CDKAL1: variants seen among roughly 807,000 people sequenced by gnomAD.
CDKAL1 encodes the protein threonylcarbamoyladenosine tRNA methylthiotransferase.
Under a neutral mutation model 68.2 loss-of-function variants are expected in CDKAL1, and 32 were observed. The observed-to-expected ratio is 0.47, with a 90% CI of 0.35 to 0.63. The LOEUF is 0.63. Among genes scored for constraint, CDKAL1 ranks in the 30% least tolerant of loss-of-function variants. The pLI, the probability that CDKAL1 is intolerant of heterozygous loss-of-function variation, is 0.00. For missense variants in CDKAL1, 606 were observed against 696.7 expected (o/e 0.87, Z 1.47); for synonymous variants, 234 against 244.3 (o/e 0.96, Z 0.39).
chr6:20,613,279 T>C (rs1581822511), intron 4 of CDKAL1, among the ~76,000 whole-genome samples: 1 of 43,856 alleles, frequency 2.3e-5, no homozygotes, highest in East Asian at 1.1e-3. Flanking sequence ...TTTTTTTTTT[T>C]TTTTTTTTTT....
intron 13 of CDKAL1, among the ~76,000 whole-genome samples, chr6:21,162,832 G>A (rs1776981934): frequency 1.3e-5 from 2 of 152,156 alleles, no homozygotes; most frequent in Non-Finnish European, 2.9e-5. Flanking sequence ...GGAGGCTGAG[G>A]TGGGAGGATC....
Position 21,108,328 on chromosome 6 carries a change from T to C in CDKAL1, c.1237-73T>C, listed in dbSNP as rs1230835633. ...ATGTATGTAGAGATATATACACACA[T>C]GTATATTTTTTATCTGCTGTCAACT... On this transcript the variant is annotated intron_variant, in intron 12 of 15. Coordinates refer to ENST00000274695, the MANE Select transcript of CDKAL1 (RefSeq NM_017774.3). The C allele has an allele frequency of 1.7e-5, 15 of 890,232 alleles. No homozygotes were observed. In the East Asian group the frequency reaches 3.5e-4, roughly 21 times the overall value. 55.1% of individuals were successfully genotyped at this position (890,232 alleles called of 1,614,324 possible). A position where few individuals can be genotyped will look rare whatever the true frequency, so the allele number is the denominator to read the frequency against.
chr6:20,724,494 ATGGC>A (rs1226633683), intron 5 of CDKAL1, among the ~76,000 whole-genome samples: 2 of 152,032 alleles, frequency 1.3e-5, no homozygotes, highest in Non-Finnish European at 2.9e-5. Context: ...AGGAGGACAG[ATGGC>A]TTGAGTTTAG....
chr6:20,940,381 G>A (rs1763911684), intron 9 of CDKAL1, among the ~76,000 whole-genome samples: 1 of 151,894 alleles, frequency 6.6e-6, no homozygotes, highest in Admixed American at 6.6e-5. Context: ...CTTCATTGTA[G>A]GCAGTTCTAT....
At chr6:20,789,092 A>G (rs1303091160) in intron 8 of CDKAL1, among the ~76,000 whole-genome samples, 1 of 152,248 alleles carries the variant, frequency 6.6e-6, no homozygotes, top group African/African-American at 2.4e-5. Context: ...AGTTTGGACT[A>G]TGAATGAAGT....
intron 8 of CDKAL1, among the ~76,000 whole-genome samples, 193 bp from the exon 9 acceptor site, chr6:20,845,882 A>T (rs1356681524): frequency 2.0e-5 from 3 of 152,220 alleles, no homozygotes; most frequent in East Asian, 3.8e-4. Context: ...AACTTAAAAG[A>T]ATTGCAAATT....
At chr6:21,077,654 T>A (rs924117555) in intron 12 of CDKAL1, among the ~76,000 whole-genome samples, 2 of 152,134 alleles carry the variant, frequency 1.3e-5, no homozygotes, top group African/African-American at 2.4e-5. Context: ...AACAACCAGA[T>A]CTTGTGAGAA....
chr6:20,914,901 C>A (rs889771555), intron 9 of CDKAL1, among the ~76,000 whole-genome samples: 1 of 152,222 alleles, frequency 6.6e-6, no homozygotes, highest in Non-Finnish European at 1.5e-5. Flanking sequence ...TCTAAACTCA[C>A]GTAATATGCC....
intron 3 of CDKAL1, among the ~76,000 whole-genome samples, chr6:20,546,919 T>A (rs945287365): frequency 6.6e-6 from 1 of 152,220 alleles, no homozygotes; most frequent in African/African-American, 2.4e-5. Flanking sequence ...ATATATAATG[T>A]CTCTTCATTA....
intron 2 of CDKAL1, among the ~76,000 whole-genome samples, chr6:20,543,545 T>C (rs1763468436): frequency 6.6e-6 from 1 of 152,176 alleles, no homozygotes; most frequent in Non-Finnish European, 1.5e-5. Context: ...CTGTTTGACT[T>C]TTCAGCCTCT....
At chr6:20,692,304 A>T (rs541574198) in intron 5 of CDKAL1, among the ~76,000 whole-genome samples, 1 of 152,182 alleles carries the variant, frequency 6.6e-6, no homozygotes, top group South Asian at 2.1e-4. Context: ...TCAGTTTGTT[A>T]CTCAACCTCC....
At chr6:21,055,845 T>G (rs1297226763) in intron 11 of CDKAL1, among the ~76,000 whole-genome samples, 1 of 152,212 alleles carries the variant, frequency 6.6e-6, no homozygotes, top group East Asian at 1.9e-4. Context: ...TTTGCATGTA[T>G]CTTTATAATA....
intron 2 of CDKAL1, 33 bp from the exon 3 acceptor site, chr6:20,546,313 A>C: frequency 1.3e-6 from 2 of 1,512,204 alleles, no homozygotes; most frequent in Non-Finnish European, 1.8e-6. Flanking sequence ...AGATTTTCAT[A>C]AGTTGATTTT....
intron 4 of CDKAL1, among the ~76,000 whole-genome samples, chr6:20,645,360 A>G (rs1157901703): frequency 1.3e-5 from 2 of 152,244 alleles, no homozygotes; most frequent in African/African-American, 2.4e-5. Flanking sequence ...ACACTCTTGT[A>G]ATAACACTTA....
At chr6:21,207,606 G>C (rs1207537937) in intron 15 of CDKAL1, among the ~76,000 whole-genome samples, 1 of 152,144 alleles carries the variant, frequency 6.6e-6, no homozygotes, top group Non-Finnish European at 1.5e-5. Flanking sequence ...GATTACCCAG[G>C]TTTGAATCTT....
intron 4 of CDKAL1, among the ~76,000 whole-genome samples, chr6:20,561,917 T>C (rs1764281823): frequency 2.0e-5 from 3 of 152,220 alleles, no homozygotes; most frequent in Admixed American, 2.0e-4. Flanking sequence ...TGCATAGTCT[T>C]GACATGTCTT....
At chr6:21,008,779 T>TCTGTTG (rs1767864224) in intron 11 of CDKAL1, among the ~76,000 whole-genome samples, 1 of 152,136 alleles carries the variant, frequency 6.6e-6, no homozygotes. Context: ...GCAGGGATAA[T>TCTGTTG]ACGTGTCTGT....
intron 5 of CDKAL1, among the ~76,000 whole-genome samples, chr6:20,709,380 G>A (rs1771743097): frequency 6.6e-6 from 1 of 151,910 alleles, no homozygotes; most frequent in African/African-American, 2.4e-5. Context: ...AACATTTTGA[G>A]CACCAATGTG....
chr6:20,968,609 T>TC (rs1288107567), intron 10 of CDKAL1, among the ~76,000 whole-genome samples: 5 of 151,956 alleles, frequency 3.3e-5, no homozygotes, highest in African/African-American at 9.7e-5. Flanking sequence ...TTCTTTCTAT[T>TC]CCCCCCATCA....
Sources: gnomAD v4.1 joint callset for allele counts (sites outside exome capture counted in the v4.1 genomes callset) on GRCh38, gnomAD v4.1.1 for gene constraint, MANE v1.5 for transcripts, NCBI Gene and HGNC (gene_info 2026-07-23, HGNC 2026-07-21) for gene names.